The following DLAT variants were observed in gnomAD, a reference collection of about 807,000 sequenced individuals.
DLAT encodes dihydrolipoyllysine-residue acetyltransferase component of pyruvate dehydrogenase complex, mitochondrial.
Under a neutral mutation model 68.0 loss-of-function variants are expected in DLAT, and 43 were observed. The ratio of observed to expected loss-of-function variants is 0.63; its 90% CI spans 0.50 to 0.81. The LOEUF is 0.81. DLAT is among the 40% of genes least tolerant of loss of function. DLAT has a pLI of 0.00. For synonymous variants in DLAT, 265 were observed against 288.6 expected, an observed-to-expected ratio of 0.92 and a Z score of 0.83; for missense variants, 745 against 815.4, an observed-to-expected ratio of 0.91 and a Z score of 1.05.
At chr11:112,041,060 T>C (rs890430339) in intron 7 of DLAT, among the ~76,000 whole-genome samples, 2 of 152,196 alleles carry the variant, frequency 1.3e-5, no homozygotes, top group Non-Finnish European at 2.9e-5. Context: ...CAGTTGCTTA[T>C]ATGACCAACA....
intron 5 of DLAT, among the ~76,000 whole-genome samples, chr11:112,034,732 G>A (rs1555180261): frequency 1.3e-5 from 2 of 151,488 alleles, no homozygotes; most frequent in African/African-American, 4.8e-5. Context: ...GTGAGCCATG[G>A]CGATTTGTAG....
At chr11:112,038,406 C>T (rs1234169343) in intron 6 of DLAT, among the ~76,000 whole-genome samples, 1 of 147,264 alleles carries the variant, frequency 6.8e-6, no homozygotes, top group African/African-American at 2.5e-5. Flanking sequence ...ACCGTGTTGG[C>T]CAGGCTGGTC....
In DLAT at chr11:112,064,325, G is replaced by T; in HGVS notation, c.*1790G>T. ...ATTCAGTCTCTTACCAGAACTGAAA[G>T]AAAAAAGTTAGAAATAGTGTTTTTG... On this transcript the variant is annotated 3_prime_UTR_variant, in exon 14 of 14. Transcript: ENST00000280346. 1 of 978,638 alleles carries T rather than the reference G, an allele frequency of 1.0e-6. No individual in the cohort carries two copies. The highest frequency in any genetic ancestry group is 1.4e-6 in the Non-Finnish European group (1 of 705,810). The allele number at this position is 978,638 out of a possible 1,614,324, so 60.6% of individuals were successfully genotyped here.
chr11:112,026,771 CCT>C (rs1207864452), intron 2 of DLAT, among the ~76,000 whole-genome samples: 2 of 152,210 alleles, frequency 1.3e-5, no homozygotes, highest in Non-Finnish European at 2.9e-5. Flanking sequence ...ACCTTTCCCC[CCT>C]TTCTATTCCA....
intron 12 of DLAT, among the ~76,000 whole-genome samples, chr11:112,060,403 G>A (rs1169950419): frequency 2.0e-5 from 3 of 150,474 alleles, no homozygotes; most frequent in Non-Finnish European, 3.0e-5. Context: ...CTTGTGATCC[G>A]CCTGCCTCAG....
chr11:112,038,866 AAG>A (rs1555180763), intron 6 of DLAT, among the ~76,000 whole-genome samples: 1 of 151,932 alleles, frequency 6.6e-6, no homozygotes, highest in African/African-American at 2.4e-5. Context: ...AAAAAAAAAA[AAG>A]AAGTTAGGAT....
intron 11 of DLAT, among the ~76,000 whole-genome samples, chr11:112,057,128 A>G (rs1864145074): frequency 6.6e-6 from 1 of 152,200 alleles, no homozygotes. Context: ...CCATGCCCAT[A>G]TAAGATGGCA....
At position 112,062,738 on chromosome 11, in the gene DLAT, G is replaced by A. The variant is rs1864714583; in HGVS notation, c.*203G>A. The A allele has an allele frequency of 3.4e-6, 2 of 582,828 alleles. No individual in the cohort carries two copies. Among genetic ancestry groups the A allele is most frequent in the South Asian group, 4.0e-5 (2 of 50,474 alleles). The allele number at this position is 582,828 out of a possible 1,614,324, so 36.1% of individuals were successfully genotyped here. A position where few individuals can be genotyped will look rare whatever the true frequency, so the allele number is the denominator to read the frequency against. ...AAATATTGTGCACATTTAATAATCA[G>A]ACACCAGATTTTTAGCTCTGTACTC... On this transcript the variant is annotated 3_prime_UTR_variant, in exon 14 of 14. Coordinates refer to ENST00000280346, the MANE Select transcript of DLAT (RefSeq NM_001931.5).
chr11:112,027,972 C>T (rs587739906), intron 2 of DLAT, among the ~76,000 whole-genome samples: 2 of 150,414 alleles, frequency 1.3e-5, no homozygotes, highest in South Asian at 2.1e-4. Context: ...TTTAAAGTAA[C>T]GGAGATGAGT....
chr11:112,062,404 A>G lies in DLAT; in HGVS notation c.1815-2A>G. 2 of 1,612,284 alleles carry G rather than the reference A, an allele frequency of 1.2e-6. No homozygotes were observed. Among genetic ancestry groups the G allele is most frequent in the Non-Finnish European group, 1.7e-6 (2 of 1,179,944 alleles). The stretch of plus-strand genomic sequence containing the variant: ...ATCTAAAATGTCTTTATCTTTTTCT[A>G]GGTTTGATGTGGCTAGCATGATGTC... On this transcript the variant is annotated splice_acceptor_variant, in intron 13 of 13. Transcript: ENST00000280346. LOFTEE classifies it high-confidence loss of function.
At chr11:112,058,169 C>T (rs1289040551) in intron 11 of DLAT, among the ~76,000 whole-genome samples, 2 of 152,162 alleles carry the variant, frequency 1.3e-5, no homozygotes, top group Non-Finnish European at 2.9e-5. Flanking sequence ...ATTTATTTAA[C>T]ATGTACTGTT....
chr11:112,025,515 T>A lies in DLAT; in HGVS notation c.43T>A (p.Trp15Arg). The A allele has an allele frequency of 6.2e-7, 1 of 1,613,718 alleles. No homozygotes were observed. The highest frequency in any genetic ancestry group is 1.3e-5 in the African/African-American group (1 of 74,948). Reference sequence around the variant, plus strand: ...GCGACGGGCTCAGAATGTAGCCCCATGGGCGGGACTCGAGGCTCGGTGGAC... The same window carrying A: ...GCGACGGGCTCAGAATGTAGCCCCAAGGGCGGGACTCGAGGCTCGGTGGAC... ...CARRAQNVAPWAGLEARWTAL... is the reference protein window; with the variant it reads ...CARRAQNVAPRAGLEARWTAL... The change falls in exon 1 of 14, where the codon TGG becomes AGG. Residue 15 changes from tryptophan (W) to arginine (R), a missense_variant. Physicochemically the swap from Trp to Arg is moderately radical, Grantham distance 101. Coordinates refer to ENST00000280346, the MANE Select transcript of DLAT (RefSeq NM_001931.5).
rs1304055033 is a variant in DLAT at position 112,053,357 on chromosome 11, G to C, written c.1514+2008G>C. On this transcript the variant is annotated intron_variant, in intron 11 of 13. Transcript: ENST00000280346. ...TTTTCCTAATAAATATTAAATTTAGGTTAGAATACTGCTCCATGGCTTAGA... is the reference window on the plus strand; with the variant it reads ...TTTTCCTAATAAATATTAAATTTAGCTTAGAATACTGCTCCATGGCTTAGA... Among the ~76,000 whole-genome samples the C allele has an allele frequency of 2.0e-5, 3 of 152,174 alleles. No individual in the cohort carries two copies. In the East Asian group the frequency reaches 5.8e-4, roughly 29 times the overall value.
chr11:112,058,278 G>A (rs1169112046), intron 11 of DLAT, among the ~76,000 whole-genome samples: 3 of 152,166 alleles, frequency 2.0e-5, no homozygotes, highest in African/African-American at 7.2e-5. Context: ...ATTCAAGAAA[G>A]CAGTATTTGC....
At chr11:112,042,145 T>C (rs1357053842) in intron 7 of DLAT, among the ~76,000 whole-genome samples, 1 of 152,234 alleles carries the variant, frequency 6.6e-6, no homozygotes, top group Non-Finnish European at 1.5e-5. Flanking sequence ...TTTGACAAGA[T>C]CCCTACTTTT....
chr11:112,057,900 T>C (rs901459219), intron 11 of DLAT, among the ~76,000 whole-genome samples: 1 of 152,242 alleles, frequency 6.6e-6, no homozygotes, highest in Non-Finnish European at 1.5e-5. Context: ...TATTTTTAAA[T>C]TAAGGTGTAT....
At chr11:112,027,933 C>G (rs945919386) in intron 2 of DLAT, among the ~76,000 whole-genome samples, 7 of 147,812 alleles carry the variant, frequency 4.7e-5, no homozygotes, top group Non-Finnish European at 9.1e-5. Context: ...GAGAGGGAGA[C>G]GGAGAGGGAG....
At position 112,039,393 on chromosome 11, in the gene DLAT, A is replaced by T; in HGVS notation, c.1125A>T (p.Val375=). 6.2e-7 allele frequency: 1 copy of T among 1,613,970 alleles called. No homozygotes were observed. Among genetic ancestry groups the T allele is most frequent in the Non-Finnish European group, 8.5e-7 (1 of 1,179,862 alleles). The change falls in exon 7 of 14, where the codon GTA becomes GTT. Residue 375 remains valine (V), a synonymous_variant. Coordinates refer to ENST00000280346, the MANE Select transcript of DLAT (RefSeq NM_001931.5). ...AGAAAGGGATTGATCTTACACAAGT[A>T]AAAGGTAAATCTGTTTCTATAGAAT... ...AVEKGIDLTQ[V]KGTGPDGRIT...
chr11:112,028,615 C>T lies in DLAT; in HGVS notation c.482C>T (p.Ala161Val), dbSNP rs1257907233. The T allele has an allele frequency of 8.7e-6, 14 of 1,613,836 alleles. No homozygotes were observed. Among genetic ancestry groups the T allele is most frequent in the East Asian group, 6.7e-5 (3 of 44,892 alleles). Residue 161 changes from alanine (A) to valine (V), a missense_variant, in exon 3 of 14, where the codon GCG becomes GTG. Transcript: ENST00000280346. Reference sequence around the variant, plus strand: ...GGTACCAGGGATGTTCCCATCGGAGCGATCATCTGTATCACAGTTGGCAAG... The same window carrying T: ...GGTACCAGGGATGTTCCCATCGGAGTGATCATCTGTATCACAGTTGGCAAG... ...AEGTRDVPIG[A>V]IICITVGKPE...
Sources: allele counts gnomAD v4.1 joint callset (sites outside exome capture counted in the v4.1 genomes callset), GRCh38; gene constraint gnomAD v4.1.1; transcripts MANE v1.5; gene names NCBI Gene and HGNC (gene_info 2026-07-23, HGNC 2026-07-21).